RERE: variants seen among roughly 807,000 people sequenced by gnomAD.
RERE encodes arginine-glutamic acid dipeptide repeats protein.
RERE carries 40 observed loss-of-function variants against 146.1 expected under a neutral mutation model. The ratio of observed to expected loss-of-function variants is 0.27; its 90% CI spans 0.21 to 0.36. The LOEUF is 0.36. RERE is among the 10% of genes least tolerant of loss of function. The pLI is 1.00. For missense variants in RERE, 1,933 were observed against 2,138.7 expected (o/e 0.90, Z 1.90); for synonymous variants, 1,003 against 866.0 (o/e 1.16, Z -2.78).
chr1:8,678,610 G>A (rs1045010837), intron 1 of RERE, among the ~76,000 whole-genome samples: 7 of 152,084 alleles, frequency 4.6e-5, no homozygotes, highest in Admixed American at 3.9e-4. Context: ...GCAGGGAGGC[G>A]GAGGTTGCAG....
intron 21 of RERE, 119 bp from the exon 22 acceptor site, chr1:8,355,718 G>T: frequency 1.1e-6 from 1 of 873,042 alleles, no homozygotes; most frequent in Non-Finnish European, 1.7e-6. Flanking sequence ...GGACACAGGA[G>T]CCAGCCCCTC....
chr1:8,539,530 A>G (rs1645771893), intron 7 of RERE, among the ~76,000 whole-genome samples: 1 of 151,850 alleles, frequency 6.6e-6, no homozygotes, highest in Admixed American at 6.6e-5. Context: ...CTCAGCCTCC[A>G]GAGAAGCTGG....
chr1:8,684,299 T>C (rs1639037529), intron 1 of RERE, among the ~76,000 whole-genome samples: 1 of 152,146 alleles, frequency 6.6e-6, no homozygotes, highest in Non-Finnish European at 1.5e-5. Flanking sequence ...CAAATAATAA[T>C]TAGGTATATT....
At chr1:8,355,157 G>A (rs1261450095) in intron 22 of RERE, 37 bp from the exon 23 acceptor site, 1 of 1,609,218 alleles carries the variant, frequency 6.2e-7, no homozygotes, top group Non-Finnish European at 8.5e-7. Flanking sequence ...TTTAGTCTCA[G>A]GCCTAGGCAG....
intron 8 of RERE, among the ~76,000 whole-genome samples, chr1:8,501,707 G>A (rs1273941122): frequency 1.1e-3 from 108 of 96,680 alleles, no homozygotes; most frequent in East Asian, 1.8e-3. Context: ...GTCCGGGAGG[G>A]AGGTGGGGGG....
chr1:8,369,282 A>G (rs1246026545), intron 12 of RERE, among the ~76,000 whole-genome samples: 1 of 152,178 alleles, frequency 6.6e-6, no homozygotes, highest in Non-Finnish European at 1.5e-5. Flanking sequence ...AGACAGAAAA[A>G]AGGCTTAACT....
chr1:8,726,207 T>C (rs1442623746), intron 1 of RERE, among the ~76,000 whole-genome samples: 4 of 135,804 alleles, frequency 2.9e-5, no homozygotes, highest in African/African-American at 1.1e-4. Flanking sequence ...CAGGCTGGAG[T>C]GCAGCAGCGT....
intron 12 of RERE, among the ~76,000 whole-genome samples, chr1:8,405,869 T>A (rs972668064): frequency 6.6e-6 from 1 of 152,124 alleles, no homozygotes; most frequent in Non-Finnish European, 1.5e-5. Context: ...TCTCCTGACC[T>A]CATGATCTAC....
intron 6 of RERE, among the ~76,000 whole-genome samples, chr1:8,553,565 A>G (rs1454582960): frequency 6.6e-6 from 1 of 152,254 alleles, no homozygotes; most frequent in African/African-American, 2.4e-5. Context: ...TCCAAGTCAC[A>G]AAAGGATGTT....
chr1:8,371,150 C>A (rs747271613), intron 12 of RERE, among the ~76,000 whole-genome samples: 1 of 152,198 alleles, frequency 6.6e-6, no homozygotes, highest in African/African-American at 2.4e-5. Flanking sequence ...GTGTTCCCGG[C>A]TGCAGCTCTT....
intron 11 of RERE, among the ~76,000 whole-genome samples, chr1:8,458,337 G>C (rs1644480032): frequency 6.6e-6 from 1 of 151,936 alleles, no homozygotes; most frequent in South Asian, 2.1e-4. Flanking sequence ...TGGAAACATG[G>C]CTTCAATAAC....
chr1:8,391,797 AG>A (rs1307998201), intron 12 of RERE, among the ~76,000 whole-genome samples: 10 of 152,288 alleles, frequency 6.6e-5, no homozygotes, highest in Admixed American at 3.9e-4. Context: ...GCACTTTGGA[AG>A]GCCGAGACAG....
intron 19 of RERE, among the ~76,000 whole-genome samples, chr1:8,359,533 G>A (rs769092763): frequency 8.5e-5 from 13 of 152,216 alleles, no homozygotes; most frequent in Admixed American, 2.0e-4. Context: ...GTAGGAGGAC[G>A]CACAGTCACT....
At chr1:8,502,164 T>A (rs1174241870) in intron 8 of RERE, among the ~76,000 whole-genome samples, 4 of 21,290 alleles carry the variant, frequency 1.9e-4, no homozygotes, top group South Asian at 2.2e-3. Context: ...AGGGAGGTGG[T>A]GGGTCAGCCC....
chr1:8,357,139 T>C (rs1488268068), intron 20 of RERE, among the ~76,000 whole-genome samples: 2 of 152,242 alleles, frequency 1.3e-5, no homozygotes, highest in African/African-American at 4.8e-5. Flanking sequence ...GTCTTTCAAC[T>C]ATCTCCCCAA....
At chr1:8,788,820 A>G (rs1481491304) in intron 1 of RERE, among the ~76,000 whole-genome samples, 1 of 151,962 alleles carries the variant, frequency 6.6e-6, no homozygotes, top group African/African-American at 2.4e-5. Flanking sequence ...CTGTGCTTTC[A>G]GAGCACACAG....
chr1:8,695,204 T>C (rs944239556), intron 1 of RERE, among the ~76,000 whole-genome samples: 4 of 152,162 alleles, frequency 2.6e-5, no homozygotes, highest in African/African-American at 4.8e-5. Flanking sequence ...GGTGCTGGGA[T>C]AGCTAGCTAG....
chr1:8,685,349 T>C (rs1317401955), intron 1 of RERE, among the ~76,000 whole-genome samples: 1 of 152,250 alleles, frequency 6.6e-6, no homozygotes, highest in Non-Finnish European at 1.5e-5. Context: ...CATTACTTCC[T>C]TACTTTGAAA....
chr1:8,467,118 T>C (rs1192352931), intron 10 of RERE, among the ~76,000 whole-genome samples: 4 of 152,172 alleles, frequency 2.6e-5, no homozygotes, highest in Non-Finnish European at 4.4e-5. Context: ...AATAAAATAC[T>C]AGGTTCTGGG....
Sources: gnomAD v4.1 joint callset for allele counts (sites outside exome capture counted in the v4.1 genomes callset) on GRCh38, gnomAD v4.1.1 for gene constraint, MANE v1.5 for transcripts, NCBI Gene and HGNC (gene_info 2026-07-23, HGNC 2026-07-21) for gene names.